LYPD4: variants seen among roughly 807,000 people sequenced by gnomAD.
The protein encoded by LYPD4 is ly6/PLAUR domain-containing protein 4.
LYPD4 carries 20 observed loss-of-function variants against 18.2 expected under a neutral mutation model. The ratio of observed to expected loss-of-function variants is 1.10; its 90% CI spans 0.77 to 1.59. The LOEUF (loss-of-function observed/expected upper bound fraction) is 1.59. LYPD4 is among the 40% of genes most tolerant of loss of function. LYPD4 has a pLI of 0.00. For missense variants in LYPD4, 278 were observed against 300.3 expected (o/e 0.93, Z 0.55); for synonymous variants, 111 against 118.3 (o/e 0.94, Z 0.40).
chr19:41,837,090 A>AT lies in LYPD4; in HGVS notation c.*52dup. 6.2e-7 allele frequency: 1 copy of AT among 1,610,490 alleles called. No homozygotes were observed. The highest frequency in any genetic ancestry group is 1.7e-5 in the Admixed American group (1 of 59,856). ...GACAATGCAGAAAGGGAACTCTGCTATTTTATTTGTTATGTGAAAGAGTCT... is the reference window on the plus strand; with the variant it reads ...GACAATGCAGAAAGGGAACTCTGCTATTTTTATTTGTTATGTGAAAGAGTCT... On this transcript the variant is annotated 3_prime_UTR_variant, in exon 5 of 5. Coordinates refer to ENST00000609812, the MANE Select transcript of LYPD4 (RefSeq NM_173506.7).
rs1268806460 is a variant in LYPD4 at position 41,839,026 on chromosome 19, T to C, written c.68-2A>G. The C allele has an allele frequency of 6.2e-7, 1 of 1,612,998 alleles. No homozygotes were observed. Among genetic ancestry groups the C allele is most frequent in the Non-Finnish European group, 8.5e-7 (1 of 1,179,818 alleles). ...CATAGCACAAAAGAGCTCCAGCCCC[T>C]AAAAAGAGAATGCTCTCCCAGTCAT... On this transcript the variant is annotated splice_acceptor_variant, in intron 2 of 4. Coordinates refer to ENST00000609812, the MANE Select transcript of LYPD4 (RefSeq NM_173506.7). LOFTEE classifies it high-confidence loss of function.
intron 1 of LYPD4, 162 bp from the exon 2 acceptor site, chr19:41,839,567 T>G (rs549096228): frequency 2.1e-6 from 1 of 478,874 alleles, no homozygotes; most frequent in Non-Finnish European, 3.8e-6. Context: ...ACTTAGGTCC[T>G]CCCATTGGAC....
chr19:41,844,681 G>A lies in LYPD4; in HGVS notation c.-1224C>T, dbSNP rs2073782860. Reference sequence around the variant, plus strand: ...GCAACCCGTGCACAGACCGGGCTTGGTCAACGCCCCAGGGGCGGGGCCAGG... The same window carrying A: ...GCAACCCGTGCACAGACCGGGCTTGATCAACGCCCCAGGGGCGGGGCCAGG... On this transcript the variant is annotated 5_prime_UTR_variant, in exon 1 of 5. Transcript: ENST00000609812. 1 of 152,310 alleles carries A rather than the reference G, an allele frequency of 6.6e-6. No homozygotes were observed. Among genetic ancestry groups the A allele is most frequent in the African/African-American group, 2.4e-5 (1 of 41,448 alleles). The allele number at this position is 152,310 out of a possible 1,614,324, so 9.4% of individuals were successfully genotyped here.
chr19:41,840,103 C>G (rs1402125298), intron 1 of LYPD4, among the ~76,000 whole-genome samples: 1 of 151,462 alleles, frequency 6.6e-6, no homozygotes, highest in East Asian at 1.9e-4. Flanking sequence ...TTACATAACA[C>G]ACACATTCAC....
At chr19:41,835,944 T>A, downstream of LYPD4, 1 of 476,476 alleles carries the variant, frequency 2.1e-6, no homozygotes, top group Non-Finnish European at 2.7e-6. Flanking sequence ...AGAAAATGCC[T>A]AACCCACAGT....
intron 1 of LYPD4, among the ~76,000 whole-genome samples, chr19:41,840,274 A>T (rs1402171192): frequency 6.6e-6 from 1 of 152,002 alleles, no homozygotes; most frequent in Non-Finnish European, 1.5e-5. Context: ...AAAAAATACA[A>T]AAATTGGCCA....
chr19:41,839,024 C>A lies in LYPD4; in HGVS notation c.68G>T (p.Arg23Leu). 6.2e-7 allele frequency: 1 copy of A among 1,613,162 alleles called. No individual in the cohort carries two copies. ...TTCATAGCACAAAAGAGCTCCAGCC[C>A]CTAAAAAGAGAATGCTCTCCCAGTC... ...CLLGAISTLP[R>L]AGALLCYEAT... The change falls in exon 3 of 5, where the codon CGG (arginine) becomes CTG (leucine). Residue 23 changes from arginine (R) to leucine (L), a missense_variant and splice_region_variant. Physicochemically the swap from Arg to Leu is moderately radical, Grantham distance 102. Coordinates refer to ENST00000609812, the MANE Select transcript of LYPD4 (RefSeq NM_173506.7).
rs74564359 is a variant in LYPD4 at position 41,837,352 on chromosome 19, G to C, written c.539-7C>G. 4.9e-5 allele frequency: 79 copies of C among 1,613,820 alleles called. No individual in the cohort carries two copies. In the East Asian group the frequency reaches 1.7e-3, roughly 35 times the overall value. Reference sequence around the variant, plus strand: ...AAGGTGGTATTGAGAAACCCTGTAAGGAAGAGAGGGAGAAGTCAGGAACAC... The same window carrying C: ...AAGGTGGTATTGAGAAACCCTGTAACGAAGAGAGGGAGAAGTCAGGAACAC... On this transcript the variant is annotated splice_region_variant and splice_polypyrimidine_tract_variant and intron_variant, in intron 4 of 4. Coordinates refer to ENST00000609812, the MANE Select transcript of LYPD4 (RefSeq NM_173506.7).
intron 3 of LYPD4, 95 bp from the exon 4 acceptor site, chr19:41,838,356 G>T: frequency 9.0e-7 from 1 of 1,107,294 alleles, no homozygotes; most frequent in Non-Finnish European, 1.2e-6. Context: ...CACCCTGCCT[G>T]TCACAATCTG....
rs374258552 is a variant in LYPD4 at position 41,838,222 on chromosome 19, G to C, written c.251C>G (p.Ser84Trp). ...GATTTGCGCAGGGTAAGACGAAGAC[G>C]AGCTGCAGCCTTTAAAGCCCACGAC... ...RGVVGFKGCS[S>W]SSSYPAQISY... The change falls in exon 4 of 5, where the codon TCG becomes TGG. Residue 84 changes from serine (S) to tryptophan (W), a missense_variant. Ser to Trp is a radical substitution (Grantham distance 177). Transcript: ENST00000609812. 1.9e-6 allele frequency: 3 copies of C among 1,547,174 alleles called. No homozygotes were observed. The highest frequency in any genetic ancestry group is 2.7e-5 in the African/African-American group (2 of 72,728).
chr19:41,842,031 CA>C (rs2073611676), intron 1 of LYPD4, among the ~76,000 whole-genome samples: 1 of 152,104 alleles, frequency 6.6e-6, no homozygotes, highest in Admixed American at 6.5e-5. Context: ...CCTTCATCTA[CA>C]AAGGAACATG....
intron 1 of LYPD4, among the ~76,000 whole-genome samples, chr19:41,840,710 G>A (rs1026544149): frequency 4.6e-5 from 7 of 151,934 alleles, no homozygotes; most frequent in African/African-American, 1.7e-4. Flanking sequence ...GACGCCTGTA[G>A]TCCCAACTAC....
At chr19:41,842,057 AT>A (rs1157924350) in intron 1 of LYPD4, among the ~76,000 whole-genome samples, 7 of 150,274 alleles carry the variant, frequency 4.7e-5, no homozygotes, top group Admixed American at 6.7e-5. Context: ...ATAATGCAGC[AT>A]TTTTTTTTTC....
At chr19:41,835,702 G>C, downstream of LYPD4, 1 of 822,646 alleles carries the variant, frequency 1.2e-6, no homozygotes, top group Non-Finnish European at 1.5e-6. Flanking sequence ...CCAGAACCTA[G>C]ATTGGTCATG....
chr19:41,836,825 C>A (rs967177713), downstream of LYPD4, among the ~76,000 whole-genome samples: 2 of 152,072 alleles, frequency 1.3e-5, no homozygotes, highest in Non-Finnish European at 2.9e-5. Flanking sequence ...GAAACTGAGG[C>A]CCATAAAAAG....
chr19:41,839,672 C>CTT, intron 1 of LYPD4: 1 of 157,220 alleles, frequency 6.4e-6, no homozygotes, highest in Non-Finnish European at 1.3e-5. Context: ...GTTTCAAACT[C>CTT]GTGTGTGTTG....
chr19:41,840,648 C>T (rs1188392930), intron 1 of LYPD4, among the ~76,000 whole-genome samples: 2 of 151,860 alleles, frequency 1.3e-5, no homozygotes, highest in African/African-American at 2.4e-5. Context: ...CTGGCTAACA[C>T]GGTGAAACCC....
Position 41,844,026 on chromosome 19 carries a change from G to A in LYPD4, c.-569C>T, listed in dbSNP as rs899469409. 1 of 151,800 alleles carries A rather than the reference G, an allele frequency of 6.6e-6. No homozygotes were observed. The highest frequency in any genetic ancestry group is 2.1e-4 in the South Asian group (1 of 4,818). The allele number at this position is 151,800 out of a possible 1,614,324, so 9.4% of individuals were successfully genotyped here. A position where few individuals can be genotyped will look rare whatever the true frequency, so the allele number is the denominator to read the frequency against. ...CTTGCAGGGAGAGAGAGGACCAGCA[G>A]AGAGAGGGAGGCGTAGGAAAATGAG... On this transcript the variant is annotated 5_prime_UTR_variant, in exon 1 of 5. Coordinates refer to ENST00000609812, the MANE Select transcript of LYPD4 (RefSeq NM_173506.7).
intron 3 of LYPD4, 62 bp from the exon 4 acceptor site, chr19:41,838,323 C>G: frequency 2.2e-6 from 3 of 1,374,742 alleles, no homozygotes; most frequent in Non-Finnish European, 2.9e-6. Context: ...AGAGTCCTCC[C>G]TCCCCCCAGC....
Sources: gnomAD v4.1 joint callset for allele counts (sites outside exome capture counted in the v4.1 genomes callset) on GRCh38, gnomAD v4.1.1 for gene constraint, MANE v1.5 for transcripts, NCBI Gene and HGNC (gene_info 2026-07-23, HGNC 2026-07-21) for gene names.